SAMD3: variants seen among roughly 807,000 people sequenced by gnomAD.
The protein encoded by SAMD3 is sterile alpha motif domain containing 3.
Under a neutral mutation model 58.5 loss-of-function variants are expected in SAMD3, and 63 were observed. The observed-to-expected ratio is 1.08, with a 90% CI of 0.88 to 1.33. The LOEUF (loss-of-function observed/expected upper bound fraction) is 1.33. Ranked by LOEUF, SAMD3 falls within the 40% of genes most tolerant of loss-of-function variation. The pLI, the probability that SAMD3 is intolerant of heterozygous loss-of-function variation, is 0.00. For missense variants in SAMD3, 604 were observed against 608.4 expected, an observed-to-expected ratio of 0.99 and a Z score of 0.08; for synonymous variants, 220 against 210.3, an observed-to-expected ratio of 1.05 and a Z score of -0.40.
chr6:130,209,272 A>T (rs192700209), intron 5 of SAMD3, among the ~76,000 whole-genome samples: 2 of 152,348 alleles, frequency 1.3e-5, no homozygotes, highest in East Asian at 3.9e-4. Context: ...TACTTGAAAG[A>T]TGTATACTAT....
At chr6:130,228,355 T>C (rs1020244069) in intron 2 of SAMD3, among the ~76,000 whole-genome samples, 24 of 152,116 alleles carry the variant, frequency 1.6e-4, no homozygotes, top group Non-Finnish European at 1.6e-4. Flanking sequence ...AAAATTGTTT[T>C]TTTTCTGCAT....
At chr6:130,231,503 GC>G (rs1280718900) in intron 2 of SAMD3, among the ~76,000 whole-genome samples, 3 of 152,154 alleles carry the variant, frequency 2.0e-5, no homozygotes, top group Non-Finnish European at 4.4e-5. Context: ...GGCGGAGGTT[GC>G]CGTGAGCCAA....
At chr6:130,339,535 C>T (rs1777208053) in intron 1 of SAMD3, among the ~76,000 whole-genome samples, 1 of 152,132 alleles carries the variant, frequency 6.6e-6, no homozygotes, top group African/African-American at 2.4e-5. Flanking sequence ...CTTCTGCCAC[C>T]ATGTAAGATG....
intron 2 of SAMD3, among the ~76,000 whole-genome samples, chr6:130,298,048 T>A (rs1447575047): frequency 6.6e-6 from 1 of 152,152 alleles, no homozygotes; most frequent in Non-Finnish European, 1.5e-5. Context: ...TGCAAGACAC[T>A]TCACCATATG....
chr6:130,158,679 C>T (rs1187504516), intron 8 of SAMD3, among the ~76,000 whole-genome samples: 1 of 152,088 alleles, frequency 6.6e-6, no homozygotes, highest in African/African-American at 2.4e-5. Flanking sequence ...AAGAAATGCA[C>T]AACAAAGCCA....
At chr6:130,330,932 A>C (rs1189303398) in intron 1 of SAMD3, among the ~76,000 whole-genome samples, 3 of 152,242 alleles carry the variant, frequency 2.0e-5, no homozygotes, top group African/African-American at 4.8e-5. Flanking sequence ...GCTGACATTG[A>C]TACTAAAAAG....
chr6:130,353,331 C>T (rs892012463), intron 1 of SAMD3, among the ~76,000 whole-genome samples: 1 of 152,160 alleles, frequency 6.6e-6, no homozygotes, highest in Non-Finnish European at 1.5e-5. Flanking sequence ...TGTGTATATG[C>T]AGTTGGTCAA....
rs1161457658 is a variant in SAMD3 at position 130,261,309 on chromosome 6, G to A, written c.-187-38496C>T. Among the ~76,000 whole-genome samples, 2 of 122,092 alleles carry A rather than the reference G, an allele frequency of 1.6e-5. 1 individual carries two copies. Among genetic ancestry groups the A allele is most frequent in the Non-Finnish European group, 3.2e-5 (2 of 62,058 alleles). 80.1% of individuals were successfully genotyped at this position (122,092 alleles called of 152,430 possible). A position where few individuals can be genotyped will look rare whatever the true frequency, so the allele number is the denominator to read the frequency against. On this transcript the variant is annotated intron_variant, in intron 2 of 13. Transcript: ENST00000368134. ...GTGGAAGCGTGGCCTGATCACCCAC[G>A]GCGTGCCTTTATCGGCACTTTGGTT... is the stretch of plus-strand genomic sequence containing the variant.
At chr6:130,312,317 C>A (rs1376072501) in intron 2 of SAMD3, among the ~76,000 whole-genome samples, 1 of 152,206 alleles carries the variant, frequency 6.6e-6, no homozygotes, top group Non-Finnish European at 1.5e-5. Context: ...GCATTTTCCA[C>A]TGAAGAAATT....
chr6:130,259,337 G>C (rs972874565), intron 2 of SAMD3, among the ~76,000 whole-genome samples: 1 of 152,186 alleles, frequency 6.6e-6, no homozygotes, highest in Non-Finnish European at 1.5e-5. Flanking sequence ...GGGCAAAGGG[G>C]AGCTGATGTG....
At chr6:130,231,668 G>A (rs891262845) in intron 2 of SAMD3, among the ~76,000 whole-genome samples, 13 of 152,190 alleles carry the variant, frequency 8.5e-5, no homozygotes, top group African/African-American at 3.1e-4. Context: ...TGTTTAAATT[G>A]TTTCTGTGTG....
intron 2 of SAMD3, among the ~76,000 whole-genome samples, chr6:130,297,466 A>G (rs1226049982): frequency 6.6e-6 from 1 of 152,232 alleles, no homozygotes; most frequent in East Asian, 1.9e-4. Context: ...AAGAACTCTG[A>G]AAGTACTAAA....
In SAMD3 at chr6:130,214,360, G is replaced by T. The variant is rs367582625; in HGVS notation, c.246C>A (p.Val82=). ...SPENPKKAAL[V]MQTEAARDYR... Reference sequence around the variant, plus strand: ...ACTCTCGAGCTGCTTCTGTTTGCATGACCAGGGCTGCCTTTTTGGGGTTTT... The same window carrying T: ...ACTCTCGAGCTGCTTCTGTTTGCATTACCAGGGCTGCCTTTTTGGGGTTTT... Residue 82 remains valine (V), a synonymous_variant, in exon 4 of 12, where the codon GTC becomes GTA. Transcript: ENST00000439090. The T allele has an allele frequency of 1.5e-5, 24 of 1,604,590 alleles. No homozygotes were observed. The African/African-American group carries it at 3.1e-4, about 21-fold the overall frequency.
chr6:130,308,510 A>T (rs998207407), intron 2 of SAMD3, among the ~76,000 whole-genome samples: 2 of 151,588 alleles, frequency 1.3e-5, no homozygotes, highest in Non-Finnish European at 2.9e-5. Flanking sequence ...AGGTTGGGCC[A>T]TCCTGGAAAT....
intron 2 of SAMD3, among the ~76,000 whole-genome samples, chr6:130,257,884 C>T (rs1277464422): frequency 2.6e-5 from 4 of 152,058 alleles, no homozygotes; most frequent in African/African-American, 9.7e-5. Flanking sequence ...CTTGTATTTC[C>T]ATAGATTAGT....
chr6:130,255,649 A>AT (rs767557703), intron 2 of SAMD3, among the ~76,000 whole-genome samples: 21 of 151,842 alleles, frequency 1.4e-4, no homozygotes, highest in Non-Finnish European at 2.9e-4. Context: ...TACATATTCT[A>AT]TTTTTTTAAA....
At chr6:130,311,727 C>A (rs1776173436) in intron 2 of SAMD3, among the ~76,000 whole-genome samples, 1 of 148,636 alleles carries the variant, frequency 6.7e-6, no homozygotes, top group Admixed American at 6.9e-5. Flanking sequence ...CAGATGACAG[C>A]CATGTTGAGG....
At chr6:130,282,401 A>G (rs1052638674) in intron 2 of SAMD3, among the ~76,000 whole-genome samples, 1 of 152,216 alleles carries the variant, frequency 6.6e-6, no homozygotes, top group African/African-American at 2.4e-5. Context: ...ATAGTTGATC[A>G]TACAAGGAAG....
At chr6:130,308,349 A>AATTCTATTCTATTCTTTCTATTCT (rs1775977140) in intron 2 of SAMD3, among the ~76,000 whole-genome samples, 5 of 69,560 alleles carry the variant, frequency 7.2e-5, no homozygotes, top group African/African-American at 2.9e-4. Flanking sequence ...AAGTTCATAG[A>AATTCTATTCTATTCTTTCTATTCT]ATTCTATTCT....
Sources: gnomAD v4.1 joint callset for allele counts (sites outside exome capture counted in the v4.1 genomes callset) on GRCh38, gnomAD v4.1.1 for gene constraint, MANE v1.5 for transcripts, NCBI Gene and HGNC (gene_info 2026-07-23, HGNC 2026-07-21) for gene names.